NALF1: variants seen among roughly 807,000 people sequenced by gnomAD.
NALF1 encodes the protein NALCN channel auxiliary factor 1.
In NALF1, 3 loss-of-function variants were observed where a neutral mutation model predicts 48.4. The ratio of observed to expected loss-of-function variants is 0.06; its 90% CI spans 0.03 to 0.16. The LOEUF is 0.16. NALF1 is among the 10% of genes least tolerant of loss of function. NALF1 has a pLI of 1.00. For missense variants in NALF1, 526 were observed against 571.5 expected, an observed-to-expected ratio of 0.92 and a Z score of 0.81; for synonymous variants, 262 against 245.7, an observed-to-expected ratio of 1.07 and a Z score of -0.62.
chr13:107,194,028 C>A (rs1879337825), intron 2 of NALF1, among the ~76,000 whole-genome samples: 1 of 130,868 alleles, frequency 7.6e-6, no homozygotes, highest in African/African-American at 3.5e-5. Flanking sequence ...ATCTATCTAT[C>A]TATCTATCTA....
In NALF1 at chr13:107,835,150, A is replaced by G. The variant is rs182085354; in HGVS notation, c.915+30532T>C. ...ATGTAGCACGATATTTATTTACAAG[A>G]TGGTTGTAAGGATATAGTGTCTTCA... On this transcript the variant is annotated intron_variant, in intron 1 of 2. Coordinates refer to ENST00000375915, the MANE Select transcript of NALF1 (RefSeq NM_001080396.3). 5.3e-3 allele frequency among the ~76,000 whole-genome samples: 809 copies of G among 152,286 alleles called. 6 individuals carry two copies. The highest frequency in any genetic ancestry group is 8.1e-3 in the Non-Finnish European group (550 of 68,026).
Position 107,507,621 on chromosome 13 carries a change from A to G in NALF1, c.916-296866T>C, listed in dbSNP as rs865876130. Among the ~76,000 whole-genome samples, 825 of 132,366 alleles carry G rather than the reference A, an allele frequency of 6.2e-3. 16 individuals carry two copies. Among genetic ancestry groups the G allele is most frequent in the African/African-American group, 0.021 (758 of 36,436 alleles). 86.8% of individuals were successfully genotyped at this position (132,366 alleles called of 152,430 possible). A position where few individuals can be genotyped will look rare whatever the true frequency, so the allele number is the denominator to read the frequency against. On this transcript the variant is annotated intron_variant, in intron 1 of 2. Transcript: ENST00000375915. Reference sequence around the variant, plus strand: ...AAAAAAAAAAAAAAAAAAAAAAAAAAAGGGGCAAACACACCCAAGACAGTA... The same window carrying G: ...AAAAAAAAAAAAAAAAAAAAAAAAAGAGGGGCAAACACACCCAAGACAGTA...
At chr13:107,233,791 C>T (rs1310939001) in intron 1 of NALF1, among the ~76,000 whole-genome samples, 3 of 152,066 alleles carry the variant, frequency 2.0e-5, no homozygotes, top group African/African-American at 7.2e-5. Flanking sequence ...AATGCCACAG[C>T]GAGAGCGTGA....
chr13:107,748,370 A>T (rs1876841251), intron 1 of NALF1, among the ~76,000 whole-genome samples: 1 of 152,190 alleles, frequency 6.6e-6, no homozygotes, highest in African/African-American at 2.4e-5. Flanking sequence ...CACGTAAATT[A>T]CCTTGTTTAA....
chr13:107,381,268 A>C (rs1883434572), intron 1 of NALF1, among the ~76,000 whole-genome samples: 1 of 150,314 alleles, frequency 6.7e-6, no homozygotes, highest in African/African-American at 2.4e-5. Context: ...TGGCATGGTC[A>C]TAGCTCACTG....
chr13:107,384,528 T>C (rs915402649), intron 1 of NALF1, among the ~76,000 whole-genome samples: 4 of 152,164 alleles, frequency 2.6e-5, no homozygotes, highest in Non-Finnish European at 4.4e-5. Flanking sequence ...TTTATACATA[T>C]AATTTATATC....
At chr13:107,325,940 A>G (rs77288205) in intron 1 of NALF1, among the ~76,000 whole-genome samples, 2,874 of 144,412 alleles carry the variant, frequency 0.02, 81 homozygotes, top group African/African-American at 0.069. Context: ...TATACAACAC[A>G]CATATATACA....
chr13:107,288,945 T>C (rs1035995590), intron 1 of NALF1, among the ~76,000 whole-genome samples: 5 of 152,180 alleles, frequency 3.3e-5, no homozygotes, highest in Non-Finnish European at 5.9e-5. Context: ...GAAGTTAAAA[T>C]AGTAAGTCCA....
chr13:107,290,549 G>T (rs2138882211), intron 1 of NALF1, among the ~76,000 whole-genome samples: 1 of 152,214 alleles, frequency 6.6e-6, no homozygotes, highest in South Asian at 2.1e-4. Flanking sequence ...CTGCTGCCAT[G>T]TAGGATGCGC....
chr13:107,793,200 C>A (rs1261974548), intron 1 of NALF1, among the ~76,000 whole-genome samples: 3 of 152,098 alleles, frequency 2.0e-5, no homozygotes, highest in Non-Finnish European at 4.4e-5. Context: ...TCAAAGTGAT[C>A]CAGTTTATTT....
At chr13:107,495,657 C>T (rs1487350920) in intron 1 of NALF1, among the ~76,000 whole-genome samples, 1 of 152,116 alleles carries the variant, frequency 6.6e-6, no homozygotes, top group Non-Finnish European at 1.5e-5. Flanking sequence ...TGTTCAGTTT[C>T]CTCAAAACAT....
At chr13:107,340,466 C>CT (rs201495618) in intron 1 of NALF1, among the ~76,000 whole-genome samples, 19,976 of 94,626 alleles carry the variant, frequency 0.21, 2,231 homozygotes, top group East Asian at 0.28. Context: ...TTCTTTCTTT[C>CT]TTCTCTCTTT....
At chr13:107,426,973 T>C (rs768096262) in intron 1 of NALF1, among the ~76,000 whole-genome samples, 2 of 151,968 alleles carry the variant, frequency 1.3e-5, no homozygotes, top group South Asian at 2.1e-4. Flanking sequence ...GGTCATCTTA[T>C]ATTAAGTGCA....
chr13:107,332,726 C>G (rs1197017272), intron 1 of NALF1, among the ~76,000 whole-genome samples: 1 of 152,218 alleles, frequency 6.6e-6, no homozygotes, highest in East Asian at 1.9e-4. Flanking sequence ...CTGTGAACAC[C>G]TAGTAGTGGA....
chr13:107,302,918 G>C (rs1330825032), intron 1 of NALF1, among the ~76,000 whole-genome samples: 1 of 152,176 alleles, frequency 6.6e-6, no homozygotes, highest in Non-Finnish European at 1.5e-5. Context: ...TTAGCTTGAA[G>C]AATGTGCAAA....
At chr13:107,612,624 T>C (rs1879263940) in intron 1 of NALF1, among the ~76,000 whole-genome samples, 1 of 152,080 alleles carries the variant, frequency 6.6e-6, no homozygotes, top group Admixed American at 6.6e-5. Context: ...AGAGAGCTCC[T>C]CCTCCCTGAA....
intron 1 of NALF1, among the ~76,000 whole-genome samples, chr13:107,476,110 G>C (rs1311293800): frequency 6.6e-6 from 1 of 152,118 alleles, no homozygotes; most frequent in African/African-American, 2.4e-5. Flanking sequence ...ATAGATATTT[G>C]AAAGGTATAA....
intron 1 of NALF1, among the ~76,000 whole-genome samples, chr13:107,792,406 C>T (rs1878276846): frequency 1.3e-5 from 2 of 152,092 alleles, no homozygotes; most frequent in Non-Finnish European, 2.9e-5. Context: ...CTCAGCAATA[C>T]TCACAAGATC....
At chr13:107,639,305 C>G (rs1236787819) in intron 1 of NALF1, among the ~76,000 whole-genome samples, 1 of 152,060 alleles carries the variant, frequency 6.6e-6, no homozygotes, top group East Asian at 1.9e-4. Context: ...GTGATCTGAT[C>G]CCTGCCAACT....
Sources: gnomAD v4.1 joint callset for allele counts (sites outside exome capture counted in the v4.1 genomes callset) on GRCh38, gnomAD v4.1.1 for gene constraint, MANE v1.5 for transcripts, NCBI Gene and HGNC (gene_info 2026-07-23, HGNC 2026-07-21) for gene names.